TFAP2B: variants seen among roughly 807,000 people sequenced by gnomAD.
TFAP2B encodes the protein transcription factor AP-2-beta.
A neutral mutation model predicts 44.3 loss-of-function variants in TFAP2B; 9 were observed. The ratio of observed to expected loss-of-function variants is 0.20; its 90% CI spans 0.12 to 0.35. TFAP2B has a LOEUF of 0.35. Ranked by LOEUF, TFAP2B falls within the 10% of genes least tolerant of loss-of-function variation. The probability of loss-of-function intolerance (pLI) is 1.00; values close to 1 mark genes in which losing one functional copy is unlikely to be tolerated. For missense variants in TFAP2B, 509 were observed against 600.0 expected (o/e 0.85, Z 1.59); for synonymous variants, 270 against 263.8 (o/e 1.02, Z -0.23).
rs1762779666 is a variant in TFAP2B, at chr6:50,843,567, G to A, written c.*175G>A. ...AAATAACTTAAAAAAAAACTGAGGC[G>A]TACAACGGAGCAACAATATCGGTTC... On this transcript the variant is annotated 3_prime_UTR_variant, in exon 7 of 7. Transcript: ENST00000393655. 3 of 696,494 alleles carry A rather than the reference G, an allele frequency of 4.3e-6. No homozygotes were observed. In the South Asian group the frequency reaches 6.3e-5, roughly 15 times the overall value. 43.1% of individuals were successfully genotyped at this position (696,494 alleles called of 1,614,324 possible).
chr6:50,823,392 T>C lies in TFAP2B; in HGVS notation c.82-15T>C. Reference sequence around the variant, plus strand: ...CCTTCTCTGGCTCTCTTCCCCTTCCTCTCTCCGCTCCCAGGACCGGCACGA... The same window carrying C: ...CCTTCTCTGGCTCTCTTCCCCTTCCCCTCTCCGCTCCCAGGACCGGCACGA... On this transcript the variant is annotated splice_polypyrimidine_tract_variant and intron_variant, in intron 1 of 6. Coordinates refer to ENST00000393655, the MANE Select transcript of TFAP2B (RefSeq NM_003221.4). The C allele has an allele frequency of 6.4e-7, 1 of 1,570,002 alleles. No homozygotes were observed. The highest frequency in any genetic ancestry group is 8.6e-7 in the Non-Finnish European group (1 of 1,157,578).
intron 1 of TFAP2B, among the ~76,000 whole-genome samples, chr6:50,822,426 T>G (rs968301286): frequency 2.0e-5 from 3 of 152,192 alleles, no homozygotes; most frequent in Non-Finnish European, 4.4e-5. Context: ...CATTGCTGTT[T>G]GGAAATTTAG....
At chr6:50,824,368 A>G (rs1417628157) in intron 2 of TFAP2B, among the ~76,000 whole-genome samples, 1 of 152,204 alleles carries the variant, frequency 6.6e-6, no homozygotes, top group Non-Finnish European at 1.5e-5. Context: ...CTGAATTTGC[A>G]AAGATTTTGC....
At chr6:50,843,000 G>T in intron 6 of TFAP2B, 92 bp from the exon 7 acceptor site, 1 of 1,542,752 alleles carries the variant, frequency 6.5e-7, no homozygotes. Context: ...TCGGTGACCC[G>T]GCGCCTCTGG....
In TFAP2B at chr6:50,845,504, T is replaced by G. The variant is rs1267320158; in HGVS notation, c.*2112T>G. ...TAGCTTCGTTTAGCACTTCTGATCT[T>G]CATGGCCCAGCCCTAGAACTGTTGA... On this transcript the variant is annotated 3_prime_UTR_variant, in exon 7 of 7. Coordinates refer to ENST00000393655, the MANE Select transcript of TFAP2B (RefSeq NM_003221.4). The G allele has an allele frequency of 6.6e-6, 1 of 152,570 alleles. No individual in the cohort carries two copies. The highest frequency in any genetic ancestry group is 1.5e-5 in the Non-Finnish European group (1 of 68,198). 9.5% of individuals were successfully genotyped at this position (152,570 alleles called of 1,614,324 possible). A position where few individuals can be genotyped will look rare whatever the true frequency, so the allele number is the denominator to read the frequency against.
chr6:50,838,565 A>G (rs1762667063), intron 5 of TFAP2B, among the ~76,000 whole-genome samples: 2 of 152,180 alleles, frequency 1.3e-5, no homozygotes, highest in Non-Finnish European at 2.9e-5. Context: ...ACATGTTGTT[A>G]TTGAAATATT....
intron 1 of TFAP2B, chr6:50,821,813 GAGGGAGGAA>G: frequency 1.2e-5 from 3 of 256,050 alleles, no homozygotes; most frequent in Admixed American, 4.8e-5. Context: ...TAGGCAAGCG[GAGGGAGGAA>G]GGGGCGGCCG....
intron 2 of TFAP2B, 63 bp downstream of exon 2, chr6:50,823,928 G>A (rs1263101635): frequency 8.6e-6 from 13 of 1,509,376 alleles, no homozygotes; most frequent in African/African-American, 2.8e-5. Flanking sequence ...CTTCTGGAGG[G>A]GGGGAGGTCA....
intron 1 of TFAP2B, 33 bp from the exon 2 acceptor site, chr6:50,823,374 T>C: frequency 6.5e-7 from 1 of 1,534,482 alleles, no homozygotes; most frequent in Non-Finnish European, 8.8e-7. Flanking sequence ...TCTCCTTCTC[T>C]GGCTCTCTTC....
At chr6:50,840,517 T>G (rs552243803) in intron 6 of TFAP2B, among the ~76,000 whole-genome samples, 1 of 152,322 alleles carries the variant, frequency 6.6e-6, no homozygotes, top group East Asian at 1.9e-4. Flanking sequence ...AATCCAGCCT[T>G]CTTACAATTC....
At chr6:50,831,845 G>A (rs866768973) in intron 3 of TFAP2B, among the ~76,000 whole-genome samples, 4 of 152,136 alleles carry the variant, frequency 2.6e-5, no homozygotes, top group Admixed American at 2.6e-4. Context: ...AAAGGCTAGC[G>A]TGGCTGGAAT....
At chr6:50,842,895 T>C (rs765979568) in intron 6 of TFAP2B, among the ~76,000 whole-genome samples, 197 bp from the exon 7 acceptor site, 3 of 152,008 alleles carry the variant, frequency 2.0e-5, no homozygotes, top group Non-Finnish European at 4.4e-5. Flanking sequence ...GTGCATTACC[T>C]CCCCACCCCC....
intron 2 of TFAP2B, 121 bp from the exon 3 acceptor site, chr6:50,828,498 C>A: frequency 1.3e-6 from 1 of 783,754 alleles, no homozygotes; most frequent in Non-Finnish European, 2.1e-6. Context: ...AATAATAAAA[C>A]AGCCCTTTGT....
chr6:50,833,707 A>G (rs1159555718), intron 3 of TFAP2B, among the ~76,000 whole-genome samples: 2 of 152,150 alleles, frequency 1.3e-5, no homozygotes, highest in East Asian at 1.9e-4. Context: ...GCAATTAACA[A>G]TAGTGAAATT....
chr6:50,823,839 G>T lies in TFAP2B; in HGVS notation c.514G>T (p.Gly172Cys), dbSNP rs1422801256. 1.3e-6 allele frequency: 2 copies of T among 1,560,300 alleles called. No individual in the cohort carries two copies. The highest frequency in any genetic ancestry group is 1.7e-6 in the Non-Finnish European group (2 of 1,153,628). ...TGACAGCCTCTCGCTGCACGGCCTCGGCCATCCCGGAATGGAAGACGTCCA... is the reference window on the plus strand; with the variant it reads ...TGACAGCCTCTCGCTGCACGGCCTCTGCCATCCCGGAATGGAAGACGTCCA... The part of the protein sequence containing the change: ...MGDSLSLHGL[G>C]HPGMEDVQSV... Residue 172 changes from glycine to cysteine, a missense_variant, in exon 2 of 7, where the codon GGC becomes TGC. Physicochemically the swap from Gly to Cys is radical, Grantham distance 159 (BLOSUM62 -3). Coordinates refer to ENST00000393655, the MANE Select transcript of TFAP2B (RefSeq NM_003221.4).
intron 3 of TFAP2B, among the ~76,000 whole-genome samples, chr6:50,834,955 G>T (rs1386936921): frequency 6.6e-6 from 1 of 152,188 alleles, no homozygotes; most frequent in Non-Finnish European, 1.5e-5. Context: ...ATGGGCTTAA[G>T]CAGTGAAGTC....
intron 3 of TFAP2B, among the ~76,000 whole-genome samples, chr6:50,833,942 A>G (rs1394262061): frequency 6.6e-6 from 1 of 152,218 alleles, no homozygotes; most frequent in East Asian, 1.9e-4. Context: ...TATAGAGGTG[A>G]GATTTTTATC....
At chr6:50,838,146 G>A in intron 5 of TFAP2B, 53 bp downstream of exon 5, 1 of 1,304,052 alleles carries the variant, frequency 7.7e-7, no homozygotes, top group Non-Finnish European at 1.1e-6. Flanking sequence ...ACTGTCGGCT[G>A]GAGGCTGACA....
chr6:50,820,098 G>T (rs998313954), intron 1 of TFAP2B, among the ~76,000 whole-genome samples: 1 of 152,214 alleles, frequency 6.6e-6, no homozygotes, highest in African/African-American at 2.4e-5. Context: ...GGCGAAGCGG[G>T]CCATGGAGAT....
Sources: gnomAD v4.1 joint callset for allele counts (sites outside exome capture counted in the v4.1 genomes callset) on GRCh38, gnomAD v4.1.1 for gene constraint, MANE v1.5 for transcripts, NCBI Gene and HGNC (gene_info 2026-07-23, HGNC 2026-07-21) for gene names.